The following CDH13 variants were observed in gnomAD, a reference collection of about 807,000 sequenced individuals.
The protein encoded by CDH13 is cadherin 13.
In CDH13, 24 loss-of-function variants were observed where a neutral mutation model predicts 63.8. The observed-to-expected ratio is 0.38, with a 90% confidence interval of 0.27 to 0.53. CDH13 has a LOEUF of 0.53. Among genes scored for constraint, CDH13 ranks in the 20% least tolerant of loss-of-function variants. The probability of loss-of-function intolerance (pLI) is 0.85; values close to 1 mark genes in which losing one functional copy is unlikely to be tolerated. For synonymous variants in CDH13, 503 were observed against 355.3 expected (o/e 1.42, Z -4.67); for missense variants, 1,049 against 903.1 (o/e 1.16, Z -2.07).
intron 3 of CDH13, among the ~76,000 whole-genome samples, chr16:83,088,060 C>G (rs921670907): frequency 3.3e-5 from 5 of 152,140 alleles, no homozygotes; most frequent in Non-Finnish European, 7.3e-5. Flanking sequence ...GGTTTTGCCA[C>G]TGAAAGTAAT....
chr16:83,703,842 A>C (rs1906609698), intron 10 of CDH13, among the ~76,000 whole-genome samples: 1 of 152,044 alleles, frequency 6.6e-6, no homozygotes, highest in Non-Finnish European at 1.5e-5. Flanking sequence ...CATGCCTCTG[A>C]CTCCATAATA....
At chr16:82,674,859 C>G (rs1025721496) in intron 1 of CDH13, among the ~76,000 whole-genome samples, 2 of 152,128 alleles carry the variant, frequency 1.3e-5, no homozygotes, top group African/African-American at 2.4e-5. Context: ...AATAAGTTAT[C>G]TCTTTATAGA....
intron 5 of CDH13, among the ~76,000 whole-genome samples, chr16:83,322,568 A>C (rs2090254073): frequency 6.6e-6 from 1 of 151,556 alleles, no homozygotes; most frequent in African/African-American, 2.4e-5. Context: ...TGAGGTTCTT[A>C]TGGGGGGGTG....
intron 1 of CDH13, among the ~76,000 whole-genome samples, chr16:82,702,220 A>C (rs1292930466): frequency 2.0e-5 from 3 of 152,168 alleles, no homozygotes; most frequent in Non-Finnish European, 4.4e-5. Flanking sequence ...TTCACTCTGT[A>C]AACGCAGCTC....
At chr16:83,190,550 A>C (rs572511994) in intron 4 of CDH13, among the ~76,000 whole-genome samples, 1 of 152,254 alleles carries the variant, frequency 6.6e-6, no homozygotes, top group South Asian at 2.1e-4. Flanking sequence ...ATGATGGCAA[A>C]ATGATGAATA....
intron 4 of CDH13, among the ~76,000 whole-genome samples, chr16:83,184,315 A>G (rs546989486): frequency 6.6e-6 from 1 of 152,298 alleles, no homozygotes; most frequent in African/African-American, 2.4e-5. Flanking sequence ...AACTCTAAAA[A>G]GTAAAACTCT....
chr16:82,638,160 A>G (rs1412998935), intron 1 of CDH13, among the ~76,000 whole-genome samples: 1 of 152,074 alleles, frequency 6.6e-6, no homozygotes, highest in African/African-American at 2.4e-5. Context: ...TTACCTACCA[A>G]CTATGAAGAA....
chr16:82,928,067 G>A (rs779520536), intron 2 of CDH13, among the ~76,000 whole-genome samples: 2 of 152,104 alleles, frequency 1.3e-5, no homozygotes, highest in African/African-American at 2.4e-5. Flanking sequence ...GCCTCTCAGC[G>A]AGAGTAGCAG....
chr16:82,949,591 A>G (rs557982600), intron 2 of CDH13, among the ~76,000 whole-genome samples: 1 of 152,288 alleles, frequency 6.6e-6, no homozygotes, highest in South Asian at 2.1e-4. Context: ...GATCTTTTCT[A>G]TGATACTGGG....
intron 8 of CDH13, among the ~76,000 whole-genome samples, chr16:83,666,966 G>A (rs1313157525): frequency 6.6e-6 from 1 of 152,038 alleles, no homozygotes; most frequent in Non-Finnish European, 1.5e-5. Flanking sequence ...TATCATGTCT[G>A]TTTTGTTTAG....
intron 1 of CDH13, among the ~76,000 whole-genome samples, chr16:82,680,223 C>G (rs1403333459): frequency 6.6e-6 from 1 of 152,210 alleles, no homozygotes; most frequent in Admixed American, 6.5e-5. Context: ...GGGGCCTGGT[C>G]TAATGAGAGT....
In CDH13 at chr16:82,741,272, C is replaced by A. The variant is rs1256658597; in HGVS notation, c.45+114135C>A. On this transcript the variant is annotated intron_variant, in intron 1 of 13. Coordinates refer to ENST00000567109, the MANE Select transcript of CDH13 (RefSeq NM_001257.5). ...TCTTCCATCATTCTGTGTGAATTTA[C>A]TTGTCTGTCTTTCCACATGTTATTT... Among the ~76,000 whole-genome samples the A allele has an allele frequency of 2.0e-5, 3 of 152,176 alleles. No homozygotes were observed. The East Asian group carries it at 5.8e-4, about 29-fold the overall frequency.
chr16:83,509,884 G>A (rs2074516513), intron 7 of CDH13, among the ~76,000 whole-genome samples: 1 of 152,214 alleles, frequency 6.6e-6, no homozygotes, highest in Non-Finnish European at 1.5e-5. Context: ...TAAGCTCAGA[G>A]AGGGTAGATG....
At chr16:83,133,294 G>C (rs1157102700) in intron 4 of CDH13, among the ~76,000 whole-genome samples, 3 of 152,156 alleles carry the variant, frequency 2.0e-5, no homozygotes, top group South Asian at 2.1e-4. Context: ...GATTTCAAAA[G>C]CTTATCACAC....
intron 3 of CDH13, among the ~76,000 whole-genome samples, chr16:83,050,876 T>C (rs2030246818): frequency 6.6e-6 from 1 of 152,150 alleles, no homozygotes; most frequent in African/African-American, 2.4e-5. Context: ...CCCATGCACC[T>C]GAACCCACCA....
At chr16:83,204,913 G>A (rs546526276) in intron 4 of CDH13, among the ~76,000 whole-genome samples, 4 of 152,256 alleles carry the variant, frequency 2.6e-5, no homozygotes, top group South Asian at 4.2e-4. Flanking sequence ...TAATGCTTTC[G>A]CCCACAATTA....
At chr16:82,846,337 A>G (rs1323383686) in intron 1 of CDH13, among the ~76,000 whole-genome samples, 1 of 151,772 alleles carries the variant, frequency 6.6e-6, no homozygotes, top group Non-Finnish European at 1.5e-5. Context: ...TATAACTATA[A>G]TATTAATGTA....
chr16:83,267,706 G>A (rs2088667468), intron 5 of CDH13, among the ~76,000 whole-genome samples: 2 of 152,196 alleles, frequency 1.3e-5, no homozygotes, highest in African/African-American at 4.8e-5. Flanking sequence ...GGAGCAAGGA[G>A]GCCTCGCCTG....
chr16:82,777,900 C>A (rs1252072519), intron 1 of CDH13, among the ~76,000 whole-genome samples: 2 of 152,180 alleles, frequency 1.3e-5, no homozygotes, highest in African/African-American at 4.8e-5. Context: ...AAGCTCACAA[C>A]AGGACAACTT....
Sources: gnomAD v4.1 joint callset for allele counts (sites outside exome capture counted in the v4.1 genomes callset) on GRCh38, gnomAD v4.1.1 for gene constraint, MANE v1.5 for transcripts, NCBI Gene and HGNC (gene_info 2026-07-23, HGNC 2026-07-21) for gene names.